Variants in USH2A observed in about 807,000 individuals in gnomAD.
USH2A encodes the protein Usher syndrome 2A (autosomal recessive, mild).
A neutral mutation model predicts 538.9 loss-of-function variants in USH2A; 443 were observed. The ratio of observed to expected loss-of-function variants is 0.82; its 90% CI spans 0.76 to 0.89. The LOEUF (loss-of-function observed/expected upper bound fraction) is 0.89, where lower values mean the gene tolerates loss of function less well. USH2A is among the 40% of genes least tolerant of loss of function. The probability of loss-of-function intolerance (pLI) is 0.00; values close to 1 mark genes in which losing one functional copy is unlikely to be tolerated. For synonymous variants in USH2A, 2,413 were observed against 2,273.5 expected (o/e 1.06, Z -1.75); for missense variants, 6,633 against 6,324.8 (o/e 1.05, Z -1.65).
intron 60 of USH2A, among the ~76,000 whole-genome samples, chr1:215,738,818 A>G (rs969531229): frequency 6.6e-6 from 1 of 152,184 alleles, no homozygotes; most frequent in African/African-American, 2.4e-5. Context: ...GAGAAGGCCA[A>G]TGATGAAGCT....
At chr1:215,943,942 AC>A (rs1666697700) in intron 37 of USH2A, among the ~76,000 whole-genome samples, 1 of 152,192 alleles carries the variant, frequency 6.6e-6, no homozygotes, top group African/African-American at 2.4e-5. Context: ...AATAATGTTT[AC>A]TGTTTGTTAA....
At chr1:216,062,991 G>C (rs192217226) in intron 30 of USH2A, among the ~76,000 whole-genome samples, 130 of 152,264 alleles carry the variant, frequency 8.5e-4, no homozygotes, top group African/African-American at 3.1e-3. Context: ...AAGCGAAATT[G>C]CCTTGTACAT....
At chr1:215,996,449 C>A (rs565800661) in intron 34 of USH2A, among the ~76,000 whole-genome samples, 241 of 150,986 alleles carry the variant, frequency 1.6e-3, no homozygotes, top group African/African-American at 5.7e-3. Flanking sequence ...TGATAGCTGT[C>A]TGTATTAATA....
chr1:215,999,168 A>T (rs1366609144), intron 33 of USH2A, 110 bp from the exon 34 acceptor site: 10 of 942,926 alleles, frequency 1.1e-5, no homozygotes, highest in Non-Finnish European at 1.5e-5. Flanking sequence ...TTTAAAAAAC[A>T]TAAATCTCAA....
At chr1:216,226,002 C>T (rs941392080) in intron 14 of USH2A, among the ~76,000 whole-genome samples, 3 of 151,796 alleles carry the variant, frequency 2.0e-5, no homozygotes, top group African/African-American at 7.3e-5. Context: ...ATTGAAAGGA[C>T]ATATTAAAAA....
intron 17 of USH2A, among the ~76,000 whole-genome samples, chr1:216,199,365 G>C (rs2034928682): frequency 6.6e-6 from 1 of 152,098 alleles, no homozygotes; most frequent in Admixed American, 6.5e-5. Flanking sequence ...TTGTGTTATG[G>C]CAGATGTCAT....
rs1435926751 is a variant in USH2A, at chr1:216,012,025, G to T, written c.6326-11463C>A. On this transcript the variant is annotated intron_variant, in intron 32 of 71. Transcript: ENST00000307340. ...GACGGAGTCTCGCTCTGTCGCCCAG[G>T]CCGGACTGCGGACTGCAGTGGCGCA... Among the ~76,000 whole-genome samples, 2 of 65,002 alleles carry T rather than the reference G, an allele frequency of 3.1e-5. 1 individual carries two copies. Among genetic ancestry groups the T allele is most frequent in the African/African-American group, 1.1e-4 (2 of 18,992 alleles). 42.6% of individuals were successfully genotyped at this position (65,002 alleles called of 152,430 possible).
intron 4 of USH2A, among the ~76,000 whole-genome samples, chr1:216,345,254 T>C (rs766263019): frequency 2.0e-5 from 3 of 152,006 alleles, no homozygotes; most frequent in Non-Finnish European, 4.4e-5. Flanking sequence ...TGGTCAGAGG[T>C]TGGATTAATG....
At position 216,196,727 on chromosome 1, in the gene USH2A, C is replaced by A; in HGVS notation, c.4082-5G>T. 6.2e-7 allele frequency: 1 copy of A among 1,611,966 alleles called. No individual in the cohort carries two copies. The highest frequency in any genetic ancestry group is 1.1e-5 in the South Asian group (1 of 90,944). On this transcript the variant is annotated splice_region_variant and splice_polypyrimidine_tract_variant and intron_variant, in intron 18 of 71. Coordinates refer to ENST00000307340, the MANE Select transcript of USH2A (RefSeq NM_206933.4). ...GAGGGATCATGAATACAGGTGCTATCAATGAGAACAATAACAATAACATCA... is the reference window on the plus strand; with the variant it reads ...GAGGGATCATGAATACAGGTGCTATAAATGAGAACAATAACAATAACATCA...
At chr1:215,717,617 G>A (rs1451046923) in intron 61 of USH2A, among the ~76,000 whole-genome samples, 1 of 152,168 alleles carries the variant, frequency 6.6e-6, no homozygotes, top group Non-Finnish European at 1.5e-5. Flanking sequence ...GTTTGTATCT[G>A]TTATAGCTTC....
chr1:216,277,387 A>G (rs2036690747), intron 11 of USH2A, among the ~76,000 whole-genome samples: 1 of 152,040 alleles, frequency 6.6e-6, no homozygotes, highest in Non-Finnish European at 1.5e-5. Flanking sequence ...ACATGCTGCT[A>G]TGATATGTGC....
chr1:215,661,653 G>A (rs968528372), intron 64 of USH2A, among the ~76,000 whole-genome samples: 6 of 152,146 alleles, frequency 3.9e-5, no homozygotes, highest in African/African-American at 1.4e-4. Context: ...GCTAAGAGAG[G>A]CTTCTAAACA....
At chr1:215,900,965 G>A in intron 38 of USH2A, 60 bp from the exon 39 acceptor site, 1 of 1,601,908 alleles carries the variant, frequency 6.2e-7, no homozygotes, top group Non-Finnish European at 8.5e-7. Flanking sequence ...ATGCTGGATG[G>A]AATCGAAATG....
At chr1:215,708,891 G>C (rs1659259684) in intron 61 of USH2A, among the ~76,000 whole-genome samples, 1 of 152,116 alleles carries the variant, frequency 6.6e-6, no homozygotes, top group African/African-American at 2.4e-5. Flanking sequence ...TATGCTAAGG[G>C]GGTTTATGGA....
In USH2A at chr1:216,097,168, A is replaced by G. The variant is rs1210679399; in HGVS notation, c.4673T>C (p.Val1558Ala). Residue 1558 changes from valine (V) to alanine (A), a missense_variant, in exon 22 of 72, where the codon GTC (valine) becomes GCC (alanine). Transcript: ENST00000307340. ...FRTKVPEGLI[V>A]FAASPGNQEE... is the part of the protein sequence containing the mutation. The stretch of plus-strand genomic sequence containing the variant: ...CTGATTGCCAGGTGATGCTGCAAAG[A>G]CAATCAAACCTTCAGGCACTTTTGT... 6.2e-7 allele frequency: 1 copy of G among 1,614,080 alleles called. No individual in the cohort carries two copies. Among genetic ancestry groups the G allele is most frequent in the East Asian group, 2.2e-5 (1 of 44,884 alleles).
chr1:216,290,523 G>C (rs1052180111), intron 10 of USH2A, among the ~76,000 whole-genome samples: 14 of 152,096 alleles, frequency 9.2e-5, no homozygotes, highest in African/African-American at 3.4e-4. Flanking sequence ...CTTTCACAAA[G>C]CTCTCTTACA....
intron 49 of USH2A, among the ~76,000 whole-genome samples, chr1:215,811,836 G>A (rs1558109330): frequency 6.6e-6 from 1 of 151,638 alleles, no homozygotes; most frequent in Non-Finnish European, 1.5e-5. Context: ...AACCTGGGAG[G>A]TGGAGGTTGC....
chr1:215,884,323 T>G (rs958121430), intron 41 of USH2A, among the ~76,000 whole-genome samples: 2 of 152,262 alleles, frequency 1.3e-5, no homozygotes, highest in South Asian at 4.1e-4. Flanking sequence ...AGTTTATATG[T>G]TGACTTTGGA....
intron 3 of USH2A, among the ~76,000 whole-genome samples, chr1:216,384,172 T>C (rs564706120): frequency 2.6e-5 from 4 of 151,750 alleles, no homozygotes; most frequent in Non-Finnish European, 5.9e-5. Context: ...TCTGCATGTG[T>C]ACCCCAGAAC....
Sources: allele counts gnomAD v4.1 joint callset (sites outside exome capture counted in the v4.1 genomes callset), GRCh38; gene constraint gnomAD v4.1.1; transcripts MANE v1.5; gene names NCBI Gene and HGNC (gene_info 2026-07-23, HGNC 2026-07-21).